IL7: variants seen among roughly 807,000 people sequenced by gnomAD.
IL7 encodes interleukin-7.
In IL7, 3 loss-of-function variants were observed where a neutral mutation model predicts 21.6. That is an observed-to-expected ratio of 0.14 (90% confidence interval 0.06 to 0.36). The LOEUF is 0.36. IL7 is among the 10% of genes least tolerant of loss of function. The probability of loss-of-function intolerance (pLI) is 1.00; values close to 1 mark genes in which losing one functional copy is unlikely to be tolerated. For synonymous variants in IL7, 62 were observed against 68.1 expected (o/e 0.91, Z 0.44); for missense variants, 175 against 200.2 (o/e 0.87, Z 0.76).
At chr8:78,708,538 C>A (rs968992976) in intron 3 of IL7, among the ~76,000 whole-genome samples, 1 of 151,698 alleles carries the variant, frequency 6.6e-6, no homozygotes, top group Non-Finnish European at 1.5e-5. Context: ...ACAAAAACAA[C>A]CTTTTTAAAC....
intron 2 of IL7, chr8:78,762,485 G>A (rs1812602489): frequency 7.1e-7 from 1 of 1,404,522 alleles, no homozygotes; most frequent in Non-Finnish European, 9.4e-7. Context: ...CCTCAGGGCA[G>A]TCCGCCCGCC....
chr8:78,777,483 G>A (rs1385063530), intron 2 of IL7, among the ~76,000 whole-genome samples: 1 of 151,948 alleles, frequency 6.6e-6, no homozygotes, highest in Non-Finnish European at 1.5e-5. Context: ...CAGGTGCTGG[G>A]GGCCATTTCA....
intron 1 of IL7, among the ~76,000 whole-genome samples, chr8:78,803,662 C>T (rs1814172641): frequency 6.6e-6 from 1 of 152,178 alleles, no homozygotes; most frequent in African/African-American, 2.4e-5. Flanking sequence ...TACTTTAGAG[C>T]AGAGGTGTTG....
chr8:78,766,618 T>C (rs1024227033), intron 2 of IL7, among the ~76,000 whole-genome samples: 1 of 152,166 alleles, frequency 6.6e-6, no homozygotes, highest in Non-Finnish European at 1.5e-5. Context: ...CTTTATATCA[T>C]GACTGTCATT....
chr8:78,682,272 G>A (rs1327011472), intron 4 of IL7, among the ~76,000 whole-genome samples: 1 of 152,078 alleles, frequency 6.6e-6, no homozygotes, highest in Non-Finnish European at 1.5e-5. Flanking sequence ...AATACAGTTA[G>A]ATAAGAAGAA....
rs1170249468 is a variant in IL7, at chr8:78,733,418, T to C, written c.*295A>G. The C allele has an allele frequency of 4.0e-6, 1 of 247,254 alleles. No individual in the cohort carries two copies. Among genetic ancestry groups the C allele is most frequent in the Admixed American group, 5.9e-5 (1 of 17,088 alleles). 15.3% of individuals were successfully genotyped at this position (247,254 alleles called of 1,614,324 possible). A position where few individuals can be genotyped will look rare whatever the true frequency, so the allele number is the denominator to read the frequency against. ...AATATTTAAACAGGTTTGAGAAGTA[T>C]TATTGCAACTGATACCTTACATGGA... On this transcript the variant is annotated 3_prime_UTR_variant, in exon 6 of 6. Transcript: ENST00000263851.
At chr8:78,781,848 C>T (rs923159144) in intron 2 of IL7, among the ~76,000 whole-genome samples, 7 of 152,110 alleles carry the variant, frequency 4.6e-5, no homozygotes, top group Admixed American at 3.9e-4. Context: ...ATCTCTTTCA[C>T]GTACCCCAAT....
chr8:78,798,487 C>G (rs919945082), intron 1 of IL7, among the ~76,000 whole-genome samples: 2 of 151,970 alleles, frequency 1.3e-5, no homozygotes, highest in African/African-American at 4.8e-5. Context: ...GAAAAACACT[C>G]CAGGGTGTTA....
intron 2 of IL7, among the ~76,000 whole-genome samples, chr8:78,742,157 CA>C (rs35093575): frequency 0.31 from 38,546 of 123,484 alleles, 6,185 homozygotes; most frequent in African/African-American, 0.5. Flanking sequence ...ACTAAAAATA[CA>C]AAAAAAAAAA....
At position 78,700,327 on chromosome 8, in the gene IL7, C is replaced by A. The variant is rs576726938; in HGVS notation, n.215-14380G>T. Reference sequence around the variant, plus strand: ...TTTAATGGGATTGTTTGTTTTTTTTCTTGTAAGTTTCTTTTTTTCTTGTAA... The same window carrying A: ...TTTAATGGGATTGTTTGTTTTTTTTATTGTAAGTTTCTTTTTTTCTTGTAA... On this transcript the variant is annotated intron_variant and non_coding_transcript_variant, in intron 3 of 4. Transcript: ENST00000523959. Among the ~76,000 whole-genome samples the A allele has an allele frequency of 1.4e-3, 213 of 151,362 alleles. 1 individual carries two copies. The highest frequency in any genetic ancestry group is 5.0e-3 in the African/African-American group (207 of 41,276).
intron 3 of IL7, among the ~76,000 whole-genome samples, chr8:78,709,165 A>G (rs1021324857): frequency 1.3e-5 from 2 of 152,234 alleles, no homozygotes; most frequent in African/African-American, 4.8e-5. Flanking sequence ...TTTAGTTACT[A>G]TGAAAAGCAC....
At chr8:78,678,676 G>T (rs757649886) in intron 4 of IL7, 2 of 1,603,222 alleles carry the variant, frequency 1.2e-6, no homozygotes, top group Non-Finnish European at 1.7e-6. Context: ...CTCTCAAACC[G>T]AGGGTAACTA....
At chr8:78,675,627 A>T (rs1308172169), downstream of IL7, 4 of 614,568 alleles carry the variant, frequency 6.5e-6, no homozygotes, top group Admixed American at 6.2e-5. Context: ...ACTAAGTATT[A>T]TGCTCCTTTT....
intron 2 of IL7, among the ~76,000 whole-genome samples, chr8:78,749,199 C>T (rs1812083507): frequency 6.6e-6 from 1 of 152,082 alleles, no homozygotes; most frequent in Non-Finnish European, 1.5e-5. Flanking sequence ...TATATTTTCT[C>T]CCACCATTTC....
At chr8:78,682,164 A>G (rs1162506936) in intron 4 of IL7, among the ~76,000 whole-genome samples, 1 of 152,170 alleles carries the variant, frequency 6.6e-6, no homozygotes, top group Non-Finnish European at 1.5e-5. Flanking sequence ...TCTTTGTAGC[A>G]TGTGAGCCAG....
At chr8:78,766,569 C>G (rs1812758768) in intron 2 of IL7, among the ~76,000 whole-genome samples, 1 of 152,082 alleles carries the variant, frequency 6.6e-6, no homozygotes, top group Non-Finnish European at 1.5e-5. Context: ...AATAGGATCA[C>G]AGTGTATACA....
At chr8:78,711,081 C>T (rs1188667796) in intron 3 of IL7, among the ~76,000 whole-genome samples, 2 of 152,032 alleles carry the variant, frequency 1.3e-5, no homozygotes, top group Non-Finnish European at 2.9e-5. Flanking sequence ...AATAGATGCT[C>T]AGGGTTTATA....
chr8:78,769,817 A>G (rs1812891681), intron 2 of IL7, among the ~76,000 whole-genome samples: 1 of 152,074 alleles, frequency 6.6e-6, no homozygotes, highest in Non-Finnish European at 1.5e-5. Flanking sequence ...AAACAACATG[A>G]TACTGGTACC....
At chr8:78,698,417 T>A in intron 3 of IL7, 1 of 1,610,268 alleles carries the variant, frequency 6.2e-7, no homozygotes. Context: ...TTATAAGGTG[T>A]TCCTTCAGGT....
Sources: allele counts gnomAD v4.1 joint callset (sites outside exome capture counted in the v4.1 genomes callset), GRCh38; gene constraint gnomAD v4.1.1; transcripts MANE v1.5; gene names NCBI Gene and HGNC (gene_info 2026-07-23, HGNC 2026-07-21).